Variants in DOCK1 observed in about 807,000 individuals in gnomAD.
DOCK1 encodes the protein dedicator of cytokinesis 1.
Under a neutral mutation model 262.7 loss-of-function variants are expected in DOCK1, and 138 were observed. That is an observed-to-expected ratio of 0.53 (90% CI 0.46 to 0.61). The LOEUF (loss-of-function observed/expected upper bound fraction) is 0.61, where lower values mean the gene tolerates loss of function less well. Ranked by LOEUF, DOCK1 falls within the 20% of genes least tolerant of loss-of-function variation. The probability of loss-of-function intolerance (pLI) is 0.00; values close to 1 mark genes in which losing one functional copy is unlikely to be tolerated. For missense variants in DOCK1, 1,908 were observed against 2,370.7 expected (o/e 0.80, Z 4.05); for synonymous variants, 866 against 867.4 (o/e 1.00, Z 0.03).
chr10:127,203,862 C>T (rs764002898), intron 27 of DOCK1, among the ~76,000 whole-genome samples: 1 of 151,410 alleles, frequency 6.6e-6, no homozygotes, highest in Non-Finnish European at 1.5e-5. Flanking sequence ...AGTAAAAAAT[C>T]AAAAACTTAT....
intron 21 of DOCK1, among the ~76,000 whole-genome samples, chr10:127,046,177 T>C (rs982216080): frequency 5.3e-5 from 8 of 152,110 alleles, no homozygotes; most frequent in Non-Finnish European, 1.2e-4. Flanking sequence ...TAATAAGAGG[T>C]GCGTGGTCCA....
At chr10:126,921,694 C>A (rs1295741063) in intron 1 of DOCK1, among the ~76,000 whole-genome samples, 1 of 152,018 alleles carries the variant, frequency 6.6e-6, no homozygotes, top group Non-Finnish European at 1.5e-5. Context: ...GCTCTGTTCC[C>A]CAGGCTGGAG....
chr10:127,017,278 C>CGCACACACAG (rs1554973960), intron 12 of DOCK1, among the ~76,000 whole-genome samples: 1 of 150,894 alleles, frequency 6.6e-6, no homozygotes, highest in Non-Finnish European at 1.5e-5. Flanking sequence ...CATATAGACA[C>CGCACACACAG]ACACAGACAC....
At chr10:127,294,266 ACTAAATGTGGTTTTGTTTTG>A (rs1403044572) in intron 29 of DOCK1, among the ~76,000 whole-genome samples, 1 of 152,020 alleles carries the variant, frequency 6.6e-6, no homozygotes, top group East Asian at 1.9e-4. Flanking sequence ...CATTATTTGC[ACTAAATGTGGTTTTGTTTTG>A]CTTTTTGTTG....
intron 29 of DOCK1, among the ~76,000 whole-genome samples, chr10:127,291,090 A>G (rs898287226): frequency 1.3e-5 from 2 of 152,170 alleles, no homozygotes; most frequent in African/African-American, 4.8e-5. Flanking sequence ...GACACAGTCT[A>G]GAGTCTGTGT....
intron 5 of DOCK1, among the ~76,000 whole-genome samples, chr10:126,988,799 G>T (rs1054222775): frequency 2.0e-5 from 3 of 152,164 alleles, no homozygotes; most frequent in African/African-American, 7.2e-5. Context: ...TGGGCTGGGC[G>T]CAGTGGCTTA....
chr10:127,254,357 G>A (rs538255527), intron 28 of DOCK1, among the ~76,000 whole-genome samples: 3 of 152,058 alleles, frequency 2.0e-5, no homozygotes, highest in South Asian at 4.2e-4. Flanking sequence ...TATGCCTTTC[G>A]ACTGGTTTCT....
intron 21 of DOCK1, among the ~76,000 whole-genome samples, chr10:127,046,398 C>T (rs1718215508): frequency 6.6e-6 from 1 of 152,136 alleles, no homozygotes; most frequent in East Asian, 1.9e-4. Flanking sequence ...ATCAGGGCTC[C>T]CTACTAGAGC....
chr10:126,955,246 C>T (rs2134454939), intron 1 of DOCK1, among the ~76,000 whole-genome samples: 1 of 152,272 alleles, frequency 6.6e-6, no homozygotes, highest in Non-Finnish European at 1.5e-5. Context: ...GTGCCTCAGC[C>T]TCCCAAGTAG....
chr10:127,191,499 C>T (rs1275621916), intron 27 of DOCK1, among the ~76,000 whole-genome samples: 1 of 152,098 alleles, frequency 6.6e-6, no homozygotes, highest in African/African-American at 2.4e-5. Flanking sequence ...TCACTTACTA[C>T]AAAAATAAGC....
intron 27 of DOCK1, among the ~76,000 whole-genome samples, chr10:127,190,484 T>C (rs1456952322): frequency 6.6e-6 from 1 of 152,196 alleles, no homozygotes; most frequent in Admixed American, 6.5e-5. Flanking sequence ...GCACCTGTTA[T>C]AGATACTACT....
chr10:127,068,531 G>A (rs539560971), intron 23 of DOCK1, among the ~76,000 whole-genome samples: 16 of 152,098 alleles, frequency 1.1e-4, no homozygotes, highest in African/African-American at 3.9e-4. Context: ...ATTAAACAAA[G>A]CAGCCATTTA....
chr10:127,016,733 C>CACCA (rs780601357), intron 12 of DOCK1, among the ~76,000 whole-genome samples: 14 of 56,998 alleles, frequency 2.5e-4, no homozygotes, highest in Non-Finnish European at 4.3e-4. Flanking sequence ...CACACACACA[C>CACCA]CACACACACA....
chr10:127,017,742 A>G (rs2135397143), intron 12 of DOCK1, among the ~76,000 whole-genome samples: 1 of 152,306 alleles, frequency 6.6e-6, no homozygotes, highest in African/African-American at 2.4e-5. Context: ...CTGAGGCCTC[A>G]GGGACAGAGC....
chr10:126,974,448 C>G (rs1241238895), intron 2 of DOCK1, among the ~76,000 whole-genome samples: 1 of 152,152 alleles, frequency 6.6e-6, no homozygotes, highest in Non-Finnish European at 1.5e-5. Context: ...GGACCTGTGT[C>G]TTGCCTGTAT....
intron 1 of DOCK1, among the ~76,000 whole-genome samples, chr10:126,940,497 G>A (rs1421176048): frequency 2.0e-5 from 3 of 152,092 alleles, no homozygotes; most frequent in Non-Finnish European, 2.9e-5. Context: ...TCTGCCTCCC[G>A]GGTTCAAATG....
chr10:127,113,409 C>T (rs2048986766), intron 25 of DOCK1, among the ~76,000 whole-genome samples: 1 of 152,134 alleles, frequency 6.6e-6, no homozygotes, highest in Non-Finnish European at 1.5e-5. Flanking sequence ...TTGTGTGTTG[C>T]CTTACTCACT....
intron 27 of DOCK1, among the ~76,000 whole-genome samples, chr10:127,235,976 T>G (rs2059035047): frequency 6.6e-6 from 1 of 152,142 alleles, no homozygotes; most frequent in African/African-American, 2.4e-5. Flanking sequence ...ATTTTCTTCT[T>G]ATTGGTTTTT....
chr10:127,249,118 A>G (rs1329553194), intron 28 of DOCK1, among the ~76,000 whole-genome samples: 1 of 152,138 alleles, frequency 6.6e-6, no homozygotes, highest in Non-Finnish European at 1.5e-5. Context: ...CCTGCAGAAC[A>G]TGGCAGTGTA....
Sources: allele counts gnomAD v4.1 joint callset (sites outside exome capture counted in the v4.1 genomes callset), GRCh38; gene constraint gnomAD v4.1.1; transcripts MANE v1.5; gene names NCBI Gene and HGNC (gene_info 2026-07-23, HGNC 2026-07-21).